Variants in GPC5 observed in about 807,000 individuals in gnomAD.
GPC5 encodes the protein glypican-5.
Under a neutral mutation model 53.9 loss-of-function variants are expected in GPC5, and 47 were observed. The ratio of observed to expected loss-of-function variants is 0.87; its 90% CI spans 0.69 to 1.11. The LOEUF (loss-of-function observed/expected upper bound fraction) is 1.11, where lower values mean the gene tolerates loss of function less well. Among genes scored for constraint, GPC5 ranks in the 50% most tolerant of loss-of-function variants. The pLI is 0.00. For synonymous variants in GPC5, 286 were observed against 263.3 expected, an observed-to-expected ratio of 1.09 and a Z score of -0.84; for missense variants, 748 against 713.1, an observed-to-expected ratio of 1.05 and a Z score of -0.56.
At chr13:91,852,341 C>T (rs2038923581) in intron 5 of GPC5, among the ~76,000 whole-genome samples, 1 of 152,074 alleles carries the variant, frequency 6.6e-6, no homozygotes, top group South Asian at 2.1e-4. Context: ...CTTTCACTTC[C>T]ACATCTTATT....
intron 6 of GPC5, among the ~76,000 whole-genome samples, chr13:92,070,260 G>A (rs1044618200): frequency 1.3e-5 from 2 of 152,142 alleles, no homozygotes; most frequent in African/African-American, 4.8e-5. Context: ...GAATAAACTT[G>A]GAAGCAGACC....
intron 1 of GPC5, among the ~76,000 whole-genome samples, chr13:91,417,077 G>T (rs11620426): frequency 0.54 from 82,353 of 151,706 alleles, 22,608 homozygotes; most frequent in East Asian, 0.71. Context: ...CAGAGGGGGG[G>T]AGTATTTAGA....
chr13:92,019,506 A>G lies in GPC5; in HGVS notation c.1401+111449A>G, dbSNP rs141093169. On this transcript the variant is annotated intron_variant, in intron 6 of 7. Coordinates refer to ENST00000377067, the MANE Select transcript of GPC5 (RefSeq NM_004466.6). ...ACAAAATATGAACCTAAAGTAAGAG[A>G]ACAAATTCATGCAGAATATAATATG... Among the ~76,000 whole-genome samples, 148 of 152,210 alleles carry G rather than the reference A, an allele frequency of 9.7e-4. 2 individuals carry two copies. The East Asian group carries it at 0.025, about 26-fold the overall frequency.
intron 2 of GPC5, among the ~76,000 whole-genome samples, chr13:91,678,507 AAGAAG>A (rs963353707): frequency 1.3e-5 from 2 of 152,212 alleles, no homozygotes; most frequent in African/African-American, 2.4e-5. Flanking sequence ...CCATGAAATG[AAGAAG>A]AGATAAGATG....
chr13:92,577,210 CCTTTA>C (rs1187932522), intron 7 of GPC5, among the ~76,000 whole-genome samples: 1 of 152,026 alleles, frequency 6.6e-6, no homozygotes. Context: ...ACTTTGGTTC[CCTTTA>C]CTTAGAATAA....
At chr13:92,065,614 A>C (rs2041161593) in intron 6 of GPC5, among the ~76,000 whole-genome samples, 1 of 152,128 alleles carries the variant, frequency 6.6e-6, no homozygotes, top group Admixed American at 6.5e-5. Context: ...GATCGAACGG[A>C]TGTTTTGACT....
chr13:91,571,703 T>C (rs903173660), intron 2 of GPC5, among the ~76,000 whole-genome samples: 1 of 148,110 alleles, frequency 6.8e-6, no homozygotes, highest in Admixed American at 6.8e-5. Context: ...CCAGCCTACA[T>C]GACAGAGCAA....
chr13:91,646,451 CTATA>C (rs1040411733), intron 2 of GPC5, among the ~76,000 whole-genome samples: 1 of 151,500 alleles, frequency 6.6e-6, no homozygotes, highest in Admixed American at 6.6e-5. Flanking sequence ...TATGATTATA[CTATA>C]TATATAGTTA....
intron 3 of GPC5, among the ~76,000 whole-genome samples, chr13:91,696,794 C>G (rs1427457231): frequency 6.6e-6 from 1 of 152,004 alleles, no homozygotes; most frequent in Non-Finnish European, 1.5e-5. Flanking sequence ...AGTTAATTTA[C>G]AAGATAATTT....
At chr13:91,512,158 A>G (rs974272756) in intron 2 of GPC5, among the ~76,000 whole-genome samples, 1 of 152,036 alleles carries the variant, frequency 6.6e-6, no homozygotes, top group South Asian at 2.1e-4. Flanking sequence ...CATCATCGCA[A>G]CTCCAGAAAT....
intron 7 of GPC5, among the ~76,000 whole-genome samples, chr13:92,724,402 C>A (rs942292070): frequency 3.3e-5 from 5 of 151,532 alleles, no homozygotes; most frequent in African/African-American, 7.3e-5. Flanking sequence ...TGTTAGAATG[C>A]ATATTTTTAA....
intron 7 of GPC5, among the ~76,000 whole-genome samples, chr13:92,303,462 G>GA (rs36000571): frequency 0.12 from 17,532 of 148,572 alleles, 1,121 homozygotes; most frequent in African/African-American, 0.15. Context: ...GTCAGTAATT[G>GA]AAAAAAAAAA....
At chr13:92,482,734 T>C (rs1879405060) in intron 7 of GPC5, among the ~76,000 whole-genome samples, 2 of 152,140 alleles carry the variant, frequency 1.3e-5, no homozygotes, top group South Asian at 4.1e-4. Context: ...ACTGGAACTG[T>C]TGAGTGGGTG....
chr13:92,710,554 A>T (rs1439709305), intron 7 of GPC5, among the ~76,000 whole-genome samples: 2 of 152,190 alleles, frequency 1.3e-5, no homozygotes, highest in Non-Finnish European at 2.9e-5. Flanking sequence ...TTGCATTTTA[A>T]ATTACAAATT....
chr13:92,527,161 AAAGAAAGAAAGAGAAAGAAAG>A (rs1566276672), intron 7 of GPC5, among the ~76,000 whole-genome samples: 79 of 124,958 alleles, frequency 6.3e-4, no homozygotes, highest in East Asian at 1.1e-3. Context: ...AGAAAGAAAG[AAAGAAAGAAAGAGAAAGAAAG>A]AAGAAAGAAA....
chr13:91,739,650 A>G (rs779329674), intron 4 of GPC5, among the ~76,000 whole-genome samples: 1 of 151,294 alleles, frequency 6.6e-6, no homozygotes, highest in Non-Finnish European at 1.5e-5. Context: ...TGACCTCTCC[A>G]TAGGACTGCT....
At chr13:91,689,223 ATATATATACAC>A in intron 2 of GPC5, among the ~76,000 whole-genome samples, 1 of 111,930 alleles carries the variant, frequency 8.9e-6, no homozygotes. Flanking sequence ...ATATATATAT[ATATATATACAC>A]ATATAAAATT....
intron 7 of GPC5, among the ~76,000 whole-genome samples, chr13:92,533,155 CAATTT>C (rs1392208864): frequency 6.6e-6 from 1 of 152,056 alleles, no homozygotes; most frequent in African/African-American, 2.4e-5. Flanking sequence ...ATGGGAAAAA[CAATTT>C]AATATGCAAC....
intron 7 of GPC5, among the ~76,000 whole-genome samples, chr13:92,458,290 A>C: frequency 1.2e-5 from 1 of 81,442 alleles, no homozygotes; most frequent in African/African-American, 5.1e-5. Flanking sequence ...CATACTAGTT[A>C]TTATTCTTTT....
Sources: allele counts gnomAD v4.1 joint callset (sites outside exome capture counted in the v4.1 genomes callset), GRCh38; gene constraint gnomAD v4.1.1; transcripts MANE v1.5; gene names NCBI Gene and HGNC (gene_info 2026-07-23, HGNC 2026-07-21).